Variants in ITIH1 observed in about 807,000 individuals in gnomAD.
ITIH1 encodes inter-alpha-trypsin inhibitor heavy chain H1.
ITIH1 carries 94 observed loss-of-function variants against 104.6 expected under a neutral mutation model. The observed-to-expected ratio is 0.90, with a 90% CI of 0.76 to 1.07. The LOEUF (loss-of-function observed/expected upper bound fraction) is 1.07. Ranked by LOEUF, ITIH1 falls within the 50% of genes least tolerant of loss-of-function variation. The probability of loss-of-function intolerance (pLI) is 0.00; values close to 1 mark genes in which losing one functional copy is unlikely to be tolerated. For missense variants in ITIH1, 1,193 were observed against 1,181.4 expected (o/e 1.01, Z -0.14); for synonymous variants, 455 against 464.4 (o/e 0.98, Z 0.26).
At position 52,786,384 on chromosome 3, in the gene ITIH1, C is replaced by A. The variant is rs773732229; in HGVS notation, c.1683C>A (p.His561Gln). ...LRERGHMLENHVERLWAYLTI... is the reference protein window; with the variant it reads ...LRERGHMLENQVERLWAYLTI... ...AGCGTGGCCACATGCTGGAGAACCA[C>A]GTCGAGCGCCTCTGGGCCTACCTCA... Residue 561 changes from histidine (H) to glutamine (Q), a missense_variant, in exon 13 of 22, where the codon CAC becomes CAA. His to Gln is a conservative substitution (Grantham distance 24, BLOSUM62 0). Transcript: ENST00000273283. The A allele has an allele frequency of 3.8e-6, 6 of 1,585,520 alleles. No homozygotes were observed. Among genetic ancestry groups the A allele is most frequent in the Non-Finnish European group, 5.1e-6 (6 of 1,165,600 alleles).
chr3:52,781,882 A>G, intron 6 of ITIH1, 58 bp from the exon 7 acceptor site: 1 of 1,596,594 alleles, frequency 6.3e-7, no homozygotes. Flanking sequence ...TTGTCTTTGC[A>G]AACATCTTGT....
intron 10 of ITIH1, 87 bp from the exon 11 acceptor site, chr3:52,784,209 G>A: frequency 1.7e-6 from 2 of 1,193,950 alleles, no homozygotes; most frequent in Non-Finnish European, 2.4e-6. Context: ...GAAGGCTTGA[G>A]CCCCAGGGAG....
At chr3:52,791,758 C>T in intron 21 of ITIH1, 24 bp from the exon 22 acceptor site, 5 of 1,607,938 alleles carry the variant, frequency 3.1e-6, no homozygotes, top group Non-Finnish European at 4.2e-6. Flanking sequence ...GAAGGGTGAC[C>T]CCAGCTGACT....
At chr3:52,782,924 C>T (rs1156469811) in intron 8 of ITIH1, 33 bp from the exon 9 acceptor site, 7 of 1,610,756 alleles carry the variant, frequency 4.3e-6, no homozygotes, top group African/African-American at 1.3e-5. Flanking sequence ...ACCCTGGGGC[C>T]CTGTCTGTCT....
At chr3:52,787,362 G>T (rs537252050) in intron 15 of ITIH1, among the ~76,000 whole-genome samples, 160 bp downstream of exon 15, 2 of 151,988 alleles carry the variant, frequency 1.3e-5, no homozygotes, top group African/African-American at 2.4e-5. Context: ...ACATCACCGC[G>T]AACTCCCTGC....
chr3:52,778,652 G>A, intron 3 of ITIH1, 146 bp downstream of exon 3: 1 of 1,469,360 alleles, frequency 6.8e-7, no homozygotes, highest in South Asian at 1.4e-5. Context: ...TTGAGGGGAG[G>A]AAGAAGCCCT....
intron 15 of ITIH1, 66 bp from the exon 16 acceptor site, chr3:52,787,526 G>T: frequency 1.3e-6 from 2 of 1,588,410 alleles, no homozygotes; most frequent in African/African-American, 1.3e-5. Flanking sequence ...GGACAGAGCT[G>T]CATGCCTTTC....
At chr3:52,778,665 A>C in intron 3 of ITIH1, 159 bp downstream of exon 3, 1 of 1,456,106 alleles carries the variant, frequency 6.9e-7, no homozygotes, top group Admixed American at 2.6e-5. Context: ...GAAGCCCTTT[A>C]GGTCTGTGCT....
chr3:52,778,771 C>G, intron 3 of ITIH1, 171 bp from the exon 4 acceptor site: 2 of 1,190,908 alleles, frequency 1.7e-6, no homozygotes, highest in Non-Finnish European at 2.3e-6. Context: ...TCTTGCTGGC[C>G]TCTGACCTGG....
chr3:52,787,243 T>G (rs768277197), intron 15 of ITIH1, 41 bp downstream of exon 15: 1 of 1,612,964 alleles, frequency 6.2e-7, no homozygotes, highest in Non-Finnish European at 8.5e-7. Flanking sequence ...TGGGCTTCGG[T>G]AGCTGGGCAG....
chr3:52,778,866 C>A, intron 3 of ITIH1, 76 bp from the exon 4 acceptor site: 2 of 1,191,678 alleles, frequency 1.7e-6, no homozygotes, highest in Non-Finnish European at 2.5e-6. Context: ...TCCAAGGGCT[C>A]ACATGGACAG....
Position 52,780,349 on chromosome 3 carries a change from C to G in ITIH1, c.654C>G (p.Ala218=), listed in dbSNP as rs764789981. The change falls in exon 6 of 22, where the codon GCC becomes GCG. Residue 218 remains alanine, a synonymous_variant. Transcript: ENST00000273283. ...QASFLPKELA[A]QTIKKSFSGK... ...CTTTCCTGCCGAAGGAACTGGCAGCCCAAACTATCAAGAAGTCCTTCTCAG... is the reference window on the plus strand; with the variant it reads ...CTTTCCTGCCGAAGGAACTGGCAGCGCAAACTATCAAGAAGTCCTTCTCAG... The G allele has an allele frequency of 6.2e-7, 1 of 1,613,994 alleles. No homozygotes were observed. Among genetic ancestry groups the G allele is most frequent in the Non-Finnish European group, 8.5e-7 (1 of 1,179,950 alleles).
chr3:52,789,319 A>G (rs1355512643), intron 18 of ITIH1, among the ~76,000 whole-genome samples: 1 of 152,072 alleles, frequency 6.6e-6, no homozygotes, highest in African/African-American at 2.4e-5. Flanking sequence ...AGGTCCCACA[A>G]TGCATTTCCA....
intron 20 of ITIH1, 35 bp downstream of exon 20, chr3:52,790,956 G>A: frequency 6.4e-7 from 1 of 1,573,260 alleles, no homozygotes. Context: ...CTGTGGGGAA[G>A]GGTGTTGAAG....
chr3:52,791,296 G>A (rs571857220), intron 20 of ITIH1, among the ~76,000 whole-genome samples: 4 of 152,146 alleles, frequency 2.6e-5, no homozygotes, highest in African/African-American at 2.4e-5. Context: ...GACAGATCCC[G>A]TTTTAAAAGA....
chr3:52,778,627 A>G, intron 3 of ITIH1, 121 bp downstream of exon 3: 1 of 1,512,142 alleles, frequency 6.6e-7, no homozygotes, highest in Non-Finnish European at 8.8e-7. Flanking sequence ...GAAGGGCCAC[A>G]GACCAGCCCT....
intron 19 of ITIH1, 88 bp from the exon 20 acceptor site, chr3:52,790,660 TA>T: frequency 7.3e-7 from 1 of 1,375,136 alleles, no homozygotes; most frequent in South Asian, 1.2e-5. Flanking sequence ...GGCGTGGTCA[TA>T]AGGGTTGGGT....
In ITIH1 at chr3:52,781,796, G is replaced by A. The variant is rs148558083; in HGVS notation, c.688-144G>A. 2.7e-4 allele frequency: 250 copies of A among 939,020 alleles called. No individual in the cohort carries two copies. The African/African-American group carries it at 3.4e-3, about 13-fold the overall frequency. The allele number at this position is 939,020 out of a possible 1,614,324, so 58.2% of individuals were successfully genotyped here. A position where few individuals can be genotyped will look rare whatever the true frequency, so the allele number is the denominator to read the frequency against. ...TACAGGTGTGTGCTCTCAGCAGCTA[G>A]GTGAGTGAGTGGCCCACCGAACTCG... On this transcript the variant is annotated intron_variant, in intron 6 of 21. Transcript: ENST00000273283.
intron 18 of ITIH1, among the ~76,000 whole-genome samples, chr3:52,789,336 T>C (rs901948673): frequency 3.3e-5 from 5 of 151,758 alleles, no homozygotes; most frequent in Non-Finnish European, 7.4e-5. Flanking sequence ...TCCAGCACAA[T>C]GGGAGCCTGT....
Sources: gnomAD v4.1 joint callset for allele counts (sites outside exome capture counted in the v4.1 genomes callset) on GRCh38, gnomAD v4.1.1 for gene constraint, MANE v1.5 for transcripts, NCBI Gene and HGNC (gene_info 2026-07-23, HGNC 2026-07-21) for gene names.